The following DLG2 variants were observed in gnomAD, a reference collection of about 807,000 sequenced individuals.
DLG2 encodes disks large homolog 2.
A neutral mutation model predicts 132.5 loss-of-function variants in DLG2; 45 were observed. That is an observed-to-expected ratio of 0.34 (90% CI 0.27 to 0.44). The LOEUF (loss-of-function observed/expected upper bound fraction) is 0.44. Ranked by LOEUF, DLG2 falls within the 20% of genes least tolerant of loss-of-function variation. DLG2 has a pLI of 1.00. For missense variants in DLG2, 1,045 were observed against 1,196.9 expected, an observed-to-expected ratio of 0.87 and a Z score of 1.87; for synonymous variants, 424 against 419.6, an observed-to-expected ratio of 1.01 and a Z score of -0.13.
At chr11:84,992,673 G>T (rs1005666319) in intron 6 of DLG2, among the ~76,000 whole-genome samples, 12 of 152,034 alleles carry the variant, frequency 7.9e-5, no homozygotes, top group African/African-American at 2.4e-4. Context: ...TCATATGTTT[G>T]TTGGCCACAT....
intron 18 of DLG2, among the ~76,000 whole-genome samples, chr11:83,666,733 G>A (rs1279313807): frequency 1.3e-5 from 2 of 152,096 alleles, no homozygotes; most frequent in Non-Finnish European, 2.9e-5. Flanking sequence ...CCAAGCACAA[G>A]ACTCCACCAT....
intron 11 of DLG2, 121 bp downstream of exon 11, chr11:84,059,194 T>G: frequency 1.1e-6 from 1 of 948,116 alleles, no homozygotes; most frequent in Non-Finnish European, 1.6e-6. Flanking sequence ...TGTAGGATTT[T>G]AAATCTCTTG....
chr11:84,076,307 A>G (rs938942333), intron 10 of DLG2, among the ~76,000 whole-genome samples: 9 of 152,202 alleles, frequency 5.9e-5, no homozygotes, highest in Admixed American at 5.2e-4. Context: ...AAAGCCAAAC[A>G]TGAAATCACA....
chr11:83,572,419 T>C (rs923261616), intron 19 of DLG2, among the ~76,000 whole-genome samples: 22 of 152,180 alleles, frequency 1.4e-4, no homozygotes, highest in African/African-American at 5.3e-4. Context: ...AGGTTGGAAA[T>C]TGACAGAAAA....
At chr11:83,951,151 A>G (rs1162930864) in intron 14 of DLG2, among the ~76,000 whole-genome samples, 2 of 152,176 alleles carry the variant, frequency 1.3e-5, no homozygotes, top group African/African-American at 2.4e-5. Flanking sequence ...AAGCATTTCC[A>G]TATACAGCTG....
At chr11:83,473,951 G>T (rs566131190) in intron 22 of DLG2, among the ~76,000 whole-genome samples, 2 of 152,064 alleles carry the variant, frequency 1.3e-5, no homozygotes, top group Non-Finnish European at 2.9e-5. Flanking sequence ...TTGGAGGCTG[G>T]GTAGCTGGAA....
intron 7 of DLG2, among the ~76,000 whole-genome samples, chr11:84,264,208 T>C (rs906330470): frequency 7.2e-5 from 11 of 152,140 alleles, no homozygotes; most frequent in African/African-American, 1.7e-4. Flanking sequence ...GTTTCTATAT[T>C]GTCATCAACT....
intron 6 of DLG2, among the ~76,000 whole-genome samples, chr11:84,543,720 C>T (rs146909726): frequency 6.6e-6 from 1 of 152,010 alleles, no homozygotes. Flanking sequence ...CCCAAAGAAC[C>T]CTTGAAAGAG....
intron 6 of DLG2, among the ~76,000 whole-genome samples, chr11:84,599,164 G>C (rs768959828): frequency 1.3e-5 from 2 of 152,026 alleles, no homozygotes; most frequent in South Asian, 2.1e-4. Flanking sequence ...AGAATCATTC[G>C]AGCCCGGGAG....
intron 7 of DLG2, among the ~76,000 whole-genome samples, chr11:84,286,641 T>C (rs947432032): frequency 6.6e-6 from 1 of 152,214 alleles, no homozygotes; most frequent in Admixed American, 6.5e-5. Flanking sequence ...AGGTTTTGAA[T>C]AGCAAGATCT....
intron 4 of DLG2, among the ~76,000 whole-genome samples, chr11:85,187,130 A>G (rs1257988017): frequency 6.6e-6 from 1 of 152,138 alleles, no homozygotes; most frequent in Admixed American, 6.5e-5. Context: ...TCGAAATCAC[A>G]TCTCAGTGGC....
chr11:85,355,578 A>G (rs1427509098), intron 3 of DLG2, among the ~76,000 whole-genome samples: 1 of 152,166 alleles, frequency 6.6e-6, no homozygotes, highest in East Asian at 1.9e-4. Flanking sequence ...TAAGAAGCCT[A>G]GTTGAGATTT....
At chr11:84,671,684 A>G (rs2099706066) in intron 6 of DLG2, among the ~76,000 whole-genome samples, 1 of 152,174 alleles carries the variant, frequency 6.6e-6, no homozygotes, top group African/African-American at 2.4e-5. Flanking sequence ...GAATAATTAG[A>G]AATTCTTTTG....
chr11:83,597,786 AAAACAAAC>A lies in DLG2; in HGVS notation c.1940+35417_1940+35424del, dbSNP rs56172449. Among the ~76,000 whole-genome samples the A allele has an allele frequency of 7.3e-4, 110 of 150,930 alleles. 1 individual carries two copies. The highest frequency in any genetic ancestry group is 3.0e-3 in the Admixed American group (46 of 15,124). ...GAAGACAGAGTGAGCTCCCTGTCTCAAAACAAACAAACAAACAAACAAACAAACAAACA... is the reference window on the plus strand; with the variant it reads ...GAAGACAGAGTGAGCTCCCTGTCTCAAAACAAACAAACAAACAAACAAACA... On this transcript the variant is annotated intron_variant, in intron 19 of 27. Coordinates refer to ENST00000376104, the MANE Select transcript of DLG2 (RefSeq NM_001142699.3).
intron 21 of DLG2, chr11:83,486,095 CA>C: frequency 1.8e-6 from 1 of 560,446 alleles, no homozygotes; most frequent in Non-Finnish European, 3.1e-6. Context: ...GTTTTATCAT[CA>C]ATTGTAATTT....
intron 6 of DLG2, among the ~76,000 whole-genome samples, chr11:85,101,413 C>G (rs1314140043): frequency 1.3e-5 from 2 of 152,120 alleles, no homozygotes; most frequent in African/African-American, 4.8e-5. Flanking sequence ...GTTGTGAGCA[C>G]TGAAATACTG....
At chr11:84,085,708 A>G (rs2096967886) in intron 10 of DLG2, among the ~76,000 whole-genome samples, 1 of 152,182 alleles carries the variant, frequency 6.6e-6, no homozygotes, top group Non-Finnish European at 1.5e-5. Context: ...CCTACAAATA[A>G]TTCCAGAAAT....
At chr11:85,282,140 T>C (rs2078270399) in intron 4 of DLG2, among the ~76,000 whole-genome samples, 1 of 151,726 alleles carries the variant, frequency 6.6e-6, no homozygotes, top group Admixed American at 6.6e-5. Flanking sequence ...CACTCATATA[T>C]GGAAGCTAAA....
chr11:83,534,860 T>A (rs1306862614), intron 20 of DLG2, among the ~76,000 whole-genome samples: 1 of 152,210 alleles, frequency 6.6e-6, no homozygotes, highest in Non-Finnish European at 1.5e-5. Context: ...GGAGAGTCAC[T>A]TGAACCCGGG....
Sources: gnomAD v4.1 joint callset for allele counts (sites outside exome capture counted in the v4.1 genomes callset) on GRCh38, gnomAD v4.1.1 for gene constraint, MANE v1.5 for transcripts, NCBI Gene and HGNC (gene_info 2026-07-23, HGNC 2026-07-21) for gene names.